Variants in MBD3 observed in about 807,000 individuals in gnomAD.
MBD3 encodes methyl-CpG-binding domain protein 3.
In MBD3, 13 loss-of-function variants were observed where a neutral mutation model predicts 31.2. The observed-to-expected ratio is 0.42, with a 90% confidence interval of 0.27 to 0.66. MBD3 has a LOEUF of 0.66. Among genes scored for constraint, MBD3 ranks in the 30% least tolerant of loss-of-function variants. The pLI is 0.26. For missense variants in MBD3, 440 were observed against 426.5 expected (o/e 1.03, Z -0.28); for synonymous variants, 223 against 187.4 (o/e 1.19, Z -1.55).
At chr19:1,587,118 A>G (rs1273764441) in intron 1 of MBD3, among the ~76,000 whole-genome samples, 2 of 150,786 alleles carry the variant, frequency 1.3e-5, no homozygotes, top group Non-Finnish European at 2.9e-5. Flanking sequence ...GCTGCCCACC[A>G]CCACGCCCGG....
chr19:1,588,580 G>A (rs1048265338), intron 1 of MBD3, among the ~76,000 whole-genome samples: 12 of 152,028 alleles, frequency 7.9e-5, no homozygotes, highest in East Asian at 1.9e-4. Flanking sequence ...TCAGGAGTTC[G>A]AGACCAGCCT....
At chr19:1,584,511 A>C (rs1452716206) in intron 3 of MBD3, 29 bp downstream of exon 3, 2 of 1,610,574 alleles carry the variant, frequency 1.2e-6, no homozygotes, top group African/African-American at 2.7e-5. Flanking sequence ...CCGGCCGGGA[A>C]GGCTGGGGTC....
Position 1,577,471 on chromosome 19 carries a change from C to A in MBD3, c.*693G>T. The A allele has an allele frequency of 6.6e-6, 1 of 152,394 alleles. No homozygotes were observed. Among genetic ancestry groups the A allele is most frequent in the Non-Finnish European group, 1.5e-5 (1 of 68,066 alleles). The allele number at this position is 152,394 out of a possible 1,614,324, so 9.4% of individuals were successfully genotyped here. ...CTGGCAGTGGAGCATTCTGGCAGCG[C>A]CGGGCGACCAAGTCCCGACTGGCAG... is the stretch of plus-strand genomic sequence containing the variant. On this transcript the variant is annotated 3_prime_UTR_variant, in exon 7 of 7. Transcript: ENST00000434436.
At chr19:1,587,757 T>C (rs1019911119) in intron 1 of MBD3, among the ~76,000 whole-genome samples, 1 of 152,214 alleles carries the variant, frequency 6.6e-6, no homozygotes, top group Non-Finnish European at 1.5e-5. Flanking sequence ...AGCACTTGTA[T>C]GGTGCTTACT....
intron 2 of MBD3, 169 bp downstream of exon 2, chr19:1,584,886 C>A (rs2060670800): frequency 9.0e-7 from 1 of 1,109,930 alleles, no homozygotes; most frequent in Non-Finnish European, 1.3e-6. Context: ...CCTCGCCATG[C>A]GCCTTGCGCT....
In MBD3 at chr19:1,585,559, T is replaced by A; in HGVS notation, c.111-345A>T. On this transcript the variant is annotated intron_variant, in intron 1 of 6. Transcript: ENST00000434436. The surrounding 1 kb of genome is among the most constrained non-coding windows in gnomAD (Gnocchi z 4.1). ...CCAGACCCCCAACCCCGGTCCCCTC[T>A]GAATCCTCCCCACCGTAGGCCCTGG... 3.0e-6 allele frequency: 1 copy of A among 328,782 alleles called. No individual in the cohort carries two copies. The highest frequency in any genetic ancestry group is 4.4e-5 in the Admixed American group (1 of 22,606). The allele number at this position is 328,782 out of a possible 1,614,324, so 20.4% of individuals were successfully genotyped here. A position where few individuals can be genotyped will look rare whatever the true frequency, so the allele number is the denominator to read the frequency against.
At position 1,578,374 on chromosome 19, in the gene MBD3, T is replaced by G. The variant is rs1458223906; in HGVS notation, c.842A>C (p.Glu281Ala). Residue 281 changes from glutamate to alanine, a missense_variant, in exon 6 of 7, where the codon GAG (glutamate) becomes GCG (alanine). Physicochemically the swap from Glu to Ala is moderately radical, Grantham distance 107 (BLOSUM62 -1). Coordinates refer to ENST00000434436, the MANE Select transcript of MBD3 (RefSeq NM_001281453.2). The surrounding 1 kb of genome is among the most constrained non-coding windows in gnomAD (Gnocchi z 6.1). ...CTCCATCTCCGGGTCCGGGTCGGGC[T>G]CCTCCTCCTCCTCCTCCTCGTCTTC... ...DEEDEEEEEE[E>A]PDPDPEMEHV is the part of the protein sequence containing the mutation. The G allele has an allele frequency of 1.4e-6, 2 of 1,379,506 alleles. No homozygotes were observed. The highest frequency in any genetic ancestry group is 1.9e-6 in the Non-Finnish European group (2 of 1,035,014). The allele number at this position is 1,379,506 out of a possible 1,614,324, so 85.5% of individuals were successfully genotyped here.
intron 2 of MBD3, 53 bp from the exon 3 acceptor site, chr19:1,584,730 G>C: frequency 1.3e-6 from 2 of 1,576,934 alleles, no homozygotes; most frequent in Non-Finnish European, 1.7e-6. Flanking sequence ...GCGGCGCGGA[G>C]CCTCAGGGGG....
At position 1,574,281 on chromosome 19, in the gene MBD3, AGAGT is replaced by A. The variant is rs1437716355; in HGVS notation, c.*3879_*3882del. ...CCATTGCACTCCAGCCTGGGTGACA[AGAGT>A]GAGACTCCATCTCAAAAAAAAAACT... On this transcript the variant is annotated 3_prime_UTR_variant, in exon 7 of 7. Coordinates refer to ENST00000434436, the MANE Select transcript of MBD3 (RefSeq NM_001281453.2). 3.3e-5 allele frequency: 5 copies of A among 152,384 alleles called. No individual in the cohort carries two copies. The highest frequency in any genetic ancestry group is 5.9e-5 in the Non-Finnish European group (4 of 68,112). 9.4% of individuals were successfully genotyped at this position (152,384 alleles called of 1,614,324 possible).
intron 1 of MBD3, among the ~76,000 whole-genome samples, chr19:1,591,519 C>G (rs913579702): frequency 6.6e-6 from 1 of 152,130 alleles, no homozygotes; most frequent in African/African-American, 2.4e-5. Flanking sequence ...TGCCCACGAC[C>G]CCGAGCTGTG....
rs934671835 is a variant in MBD3 at position 1,573,715 on chromosome 19, A to G, written c.*4449T>C. ...AGCGTGGTTATTTTGGTAACCAGAG[A>G]AGGCTAAAAATTAAAACTGTGAAAA... On this transcript the variant is annotated 3_prime_UTR_variant, in exon 7 of 7. Coordinates refer to ENST00000434436, the MANE Select transcript of MBD3 (RefSeq NM_001281453.2). The G allele has an allele frequency of 9.9e-5, 15 of 152,190 alleles. No individual in the cohort carries two copies. The highest frequency in any genetic ancestry group is 3.6e-4 in the African/African-American group (15 of 41,434). The allele number at this position is 152,190 out of a possible 1,614,324, so 9.4% of individuals were successfully genotyped here. A position where few individuals can be genotyped will look rare whatever the true frequency, so the allele number is the denominator to read the frequency against.
chr19:1,584,879 C>T (rs1040047736), intron 2 of MBD3, 176 bp downstream of exon 2: 8 of 1,078,854 alleles, frequency 7.4e-6, no homozygotes, highest in South Asian at 4.8e-5. Flanking sequence ...GCCGCGTCCT[C>T]GCCATGCGCC....
At chr19:1,582,766 C>T in intron 3 of MBD3, 54 bp from the exon 4 acceptor site, 1 of 1,527,490 alleles carries the variant, frequency 6.5e-7, no homozygotes, top group Non-Finnish European at 9.0e-7. Flanking sequence ...CTCCCCACTC[C>T]AGGTCCTTGC....
At position 1,592,845 on chromosome 19, in the gene MBD3, G is replaced by GGGGGCCCGCTCCGCCCACCCGCCCGCGC. The variant is rs2060713415; in HGVS notation, c.-215_-214insGCGCGGGCGGGTGGGCGGAGCGGGCCCC. ...CCCCGCGCTCGCCAGCCCCCGCTCG[G>GGGGGCCCGCTCCGCCCACCCGCCCGCGC]GGGGCCCGCTCCGCCCACCCGCCCG... On this transcript the variant is annotated 5_prime_UTR_variant, in exon 1 of 7. Coordinates refer to ENST00000434436, the MANE Select transcript of MBD3 (RefSeq NM_001281453.2). The GGGGGCCCGCTCCGCCCACCCGCCCGCGC allele has an allele frequency of 1.4e-5, 2 of 146,794 alleles. No homozygotes were observed. The highest frequency in any genetic ancestry group is 1.9e-4 in the South Asian group (1 of 5,252). 9.1% of individuals were successfully genotyped at this position (146,794 alleles called of 1,614,324 possible). A position where few individuals can be genotyped will look rare whatever the true frequency, so the allele number is the denominator to read the frequency against.
In MBD3 at chr19:1,585,379, CCCCAGA is replaced by C. The variant is rs1568276563; in HGVS notation, c.111-171_111-166del. 5.7e-6 allele frequency: 4 copies of C among 698,472 alleles called. No individual in the cohort carries two copies. The highest frequency in any genetic ancestry group is 5.4e-5 in the African/African-American group (3 of 55,816). The allele number at this position is 698,472 out of a possible 1,614,324, so 43.3% of individuals were successfully genotyped here. On this transcript the variant is annotated intron_variant, in intron 1 of 6. Coordinates refer to ENST00000434436, the MANE Select transcript of MBD3 (RefSeq NM_001281453.2). The surrounding 1 kb of genome is among the most constrained non-coding windows in gnomAD (Gnocchi z 4.1). ...AAACCCAGGCAGGCCCTGGCCCCAGCCCCAGACCCCAACCCTGGCGTGACCCCAGAC... is the reference window on the plus strand; with the variant it reads ...AAACCCAGGCAGGCCCTGGCCCCAGCCCCCAACCCTGGCGTGACCCCAGAC...
Position 1,588,504 on chromosome 19 carries a change from G to A in MBD3, c.111-3290C>T, listed in dbSNP as rs571075433. ...TTTTAAGATGAAGGGAAACAAGGCC[G>A]GGCGCGGTGGCTCACGCCTGTAATC... On this transcript the variant is annotated intron_variant, in intron 1 of 6. Transcript: ENST00000434436. Among the ~76,000 whole-genome samples, 185 of 152,262 alleles carry A rather than the reference G, an allele frequency of 1.2e-3. 1 individual carries two copies. Among genetic ancestry groups the A allele is most frequent in the Admixed American group, 8.8e-3 (135 of 15,276 alleles).
chr19:1,584,074 C>T (rs574265334), intron 3 of MBD3, among the ~76,000 whole-genome samples: 76 of 152,240 alleles, frequency 5.0e-4, no homozygotes, highest in South Asian at 3.1e-3. Flanking sequence ...ATCCACCTGC[C>T]TCGGCCTCCC....
rs763932514 is a variant in MBD3 at position 1,582,761 on chromosome 19, C to T, written c.409-49G>A. 1.2e-5 allele frequency: 18 copies of T among 1,530,364 alleles called. No homozygotes were observed. The East Asian group carries it at 3.5e-4, about 29-fold the overall frequency. 94.8% of individuals were successfully genotyped at this position (1,530,364 alleles called of 1,614,324 possible). On this transcript the variant is annotated intron_variant, in intron 3 of 6. Coordinates refer to ENST00000434436, the MANE Select transcript of MBD3 (RefSeq NM_001281453.2). Reference sequence around the variant, plus strand: ...CTCAAGAGTGGCCCTGCCCTCTCCCCACTCCAGGTCCTTGCTGGGCTCCAG... The same window carrying T: ...CTCAAGAGTGGCCCTGCCCTCTCCCTACTCCAGGTCCTTGCTGGGCTCCAG...
intron 4 of MBD3, among the ~76,000 whole-genome samples, chr19:1,582,059 A>G (rs773240470): frequency 1.6e-4 from 24 of 152,076 alleles, no homozygotes; most frequent in Admixed American, 4.6e-4. Flanking sequence ...GAGCCACTGC[A>G]CCTGGCCTTG....
Sources: allele counts gnomAD v4.1 joint callset (sites outside exome capture counted in the v4.1 genomes callset), GRCh38; gene constraint gnomAD v4.1.1; non-coding constraint Gnocchi (gnomAD v3.1); transcripts MANE v1.5; gene names NCBI Gene and HGNC (gene_info 2026-07-23, HGNC 2026-07-21).